LINGO2: variants seen among roughly 807,000 people sequenced by gnomAD.
LINGO2 encodes the protein leucine-rich repeat and immunoglobulin-like domain-containing nogo receptor-interacting protein 2.
Under a neutral mutation model 30.6 loss-of-function variants are expected in LINGO2, and 14 were observed. That is an observed-to-expected ratio of 0.46 (90% CI 0.30 to 0.72). The LOEUF is 0.72. Ranked by LOEUF, LINGO2 falls within the 30% of genes least tolerant of loss-of-function variation. The probability of loss-of-function intolerance (pLI) is 0.07; values close to 1 mark genes in which losing one functional copy is unlikely to be tolerated. For synonymous variants in LINGO2, 317 were observed against 288.5 expected, an observed-to-expected ratio of 1.10 and a Z score of -1.00; for missense variants, 729 against 751.7, an observed-to-expected ratio of 0.97 and a Z score of 0.35.
intron 1 of LINGO2, among the ~76,000 whole-genome samples, chr9:28,609,406 C>G (rs1052052306): frequency 2.0e-5 from 3 of 150,748 alleles, no homozygotes; most frequent in African/African-American, 7.3e-5. Context: ...TCATATGAAT[C>G]AATAATAAAA....
intron 1 of LINGO2, among the ~76,000 whole-genome samples, chr9:28,506,754 T>A (rs1820156036): frequency 6.6e-6 from 1 of 151,540 alleles, no homozygotes; most frequent in African/African-American, 2.4e-5. Flanking sequence ...AGTTGTTTTG[T>A]CTCTAGGTAC....
intron 2 of LINGO2, among the ~76,000 whole-genome samples, chr9:28,458,527 CT>C (rs1172331864): frequency 2.0e-5 from 3 of 152,028 alleles, no homozygotes; most frequent in African/African-American, 7.2e-5. Context: ...GTCTCTTTTT[CT>C]TTTCTTTTTT....
At chr9:28,502,159 C>CACAT (rs1248709398) in intron 1 of LINGO2, among the ~76,000 whole-genome samples, 1 of 150,082 alleles carries the variant, frequency 6.7e-6, no homozygotes, top group South Asian at 2.1e-4. Context: ...CACACACACA[C>CACAT]ACATACACAC....
At chr9:28,081,378 G>T (rs1048964688) in intron 4 of LINGO2, among the ~76,000 whole-genome samples, 1 of 151,514 alleles carries the variant, frequency 6.6e-6, no homozygotes, top group Admixed American at 6.6e-5. Context: ...CTCTTATGAT[G>T]AACCACTTAA....
At chr9:28,802,183 A>C in the LINGO2 span, among the ~76,000 whole-genome samples, 931 of 152,098 alleles carry the variant, frequency 6.1e-3, 12 homozygotes, top group African/African-American at 0.021. Flanking sequence ...ATCTCTTTCA[A>C]TGGCATATTT....
intron 1 of LINGO2, among the ~76,000 whole-genome samples, chr9:28,569,416 G>GA (rs1426881484): frequency 2.1e-5 from 2 of 94,710 alleles, no homozygotes; most frequent in African/African-American, 7.9e-5. Flanking sequence ...AATGGATAAA[G>GA]AAAAGGTGAT....
At chr9:28,107,219 C>A (rs1461869068) in intron 4 of LINGO2, among the ~76,000 whole-genome samples, 1 of 152,166 alleles carries the variant, frequency 6.6e-6, no homozygotes, top group Non-Finnish European at 1.5e-5. Flanking sequence ...TGGGGTCTTT[C>A]CCCCACTAGC....
chr9:28,464,570 A>G (rs774461452), intron 2 of LINGO2, among the ~76,000 whole-genome samples: 2 of 152,222 alleles, frequency 1.3e-5, no homozygotes, highest in Non-Finnish European at 2.9e-5. Context: ...GAAATGTATT[A>G]ATGACATCTG....
At chr9:29,155,456 A>T in the LINGO2 span, among the ~76,000 whole-genome samples, 2 of 151,980 alleles carry the variant, frequency 1.3e-5, no homozygotes, top group Non-Finnish European at 2.9e-5. Flanking sequence ...ACTGACTACA[A>T]TTCTCTCCCA....
intron 2 of LINGO2, among the ~76,000 whole-genome samples, chr9:28,449,424 T>C (rs973650851): frequency 6.6e-6 from 1 of 152,106 alleles, no homozygotes; most frequent in South Asian, 2.1e-4. Context: ...TTAAAATAAA[T>C]ATCCATAAAG....
At chr9:28,228,645 G>T (rs1821252921) in intron 4 of LINGO2, among the ~76,000 whole-genome samples, 1 of 151,756 alleles carries the variant, frequency 6.6e-6, no homozygotes, top group South Asian at 2.1e-4. Context: ...GTAAAATAAA[G>T]AATAGAGAGA....
chr9:28,980,817 A>ATT, the LINGO2 span, among the ~76,000 whole-genome samples: 2 of 151,598 alleles, frequency 1.3e-5, no homozygotes, highest in African/African-American at 4.9e-5. Context: ...TTATTATTTT[A>ATT]TTTTTTTATC....
At chr9:28,203,281 G>A (rs764904466) in intron 4 of LINGO2, among the ~76,000 whole-genome samples, 1 of 152,132 alleles carries the variant, frequency 6.6e-6, no homozygotes, top group South Asian at 2.1e-4. Context: ...CATTCCTAAT[G>A]TTCACTCTGC....
chr9:27,969,723 A>C (rs922516662), intron 5 of LINGO2, among the ~76,000 whole-genome samples: 3 of 151,594 alleles, frequency 2.0e-5, no homozygotes, highest in Non-Finnish European at 2.9e-5. Context: ...CAAACAAACA[A>C]ACACAACCAA....
downstream of LINGO2, among the ~76,000 whole-genome samples, chr9:27,946,943 T>A (rs1006816890): frequency 1.3e-5 from 2 of 152,064 alleles, no homozygotes; most frequent in Non-Finnish European, 2.9e-5. Context: ...GTCAATTTAA[T>A]TTTATTAAAG....
chr9:28,298,780 T>C (rs921874437), intron 3 of LINGO2, among the ~76,000 whole-genome samples: 2 of 152,066 alleles, frequency 1.3e-5, no homozygotes, highest in Non-Finnish European at 2.9e-5. Context: ...TTTTTGACAA[T>C]GTGCAAACAG....
At chr9:28,151,775 G>T (rs1023557039) in intron 4 of LINGO2, among the ~76,000 whole-genome samples, 2 of 151,760 alleles carry the variant, frequency 1.3e-5, no homozygotes, top group Non-Finnish European at 2.9e-5. Flanking sequence ...CCCAATTATG[G>T]CAATAAGACT....
chr9:27,953,380 A>T (rs942607842), intron 5 of LINGO2, among the ~76,000 whole-genome samples: 1 of 152,180 alleles, frequency 6.6e-6, no homozygotes. Context: ...TAACAGTAGG[A>T]ATTTAGTTAT....
chr9:28,305,225 T>C (rs1824298287), intron 3 of LINGO2, among the ~76,000 whole-genome samples: 1 of 152,072 alleles, frequency 6.6e-6, no homozygotes, highest in African/African-American at 2.4e-5. Flanking sequence ...AAGAAATTTC[T>C]TCAACCTGAT....
Sources: allele counts gnomAD v4.1 joint callset (sites outside exome capture counted in the v4.1 genomes callset), GRCh38; gene constraint gnomAD v4.1.1; transcripts MANE v1.5; gene names NCBI Gene and HGNC (gene_info 2026-07-23, HGNC 2026-07-21).